Variants in KCNH1 observed in about 807,000 individuals in gnomAD.
KCNH1 encodes the protein potassium voltage-gated channel subfamily H member 1.
KCNH1 carries 27 observed loss-of-function variants against 69.2 expected under a neutral mutation model. The observed-to-expected ratio is 0.39, with a 90% CI of 0.29 to 0.54. The LOEUF is 0.54. Among genes scored for constraint, KCNH1 ranks in the 20% least tolerant of loss-of-function variants. The pLI is 0.68. For synonymous variants in KCNH1, 456 were observed against 487.7 expected (o/e 0.93, Z 0.86); for missense variants, 798 against 1,261.6 (o/e 0.63, Z 5.57).
At chr1:210,796,250 T>C (rs1361000865) in intron 9 of KCNH1, among the ~76,000 whole-genome samples, 1 of 152,120 alleles carries the variant, frequency 6.6e-6, no homozygotes. Context: ...GCTGATTCCA[T>C]GGACCTCATC....
At chr1:210,922,042 T>C (rs1687468228) in intron 6 of KCNH1, among the ~76,000 whole-genome samples, 1 of 151,974 alleles carries the variant, frequency 6.6e-6, no homozygotes, top group Admixed American at 6.6e-5. Context: ...CAAATTACTT[T>C]TGTTGAGGTG....
At chr1:210,895,476 C>T (rs1442808447) in intron 7 of KCNH1, among the ~76,000 whole-genome samples, 3 of 152,104 alleles carry the variant, frequency 2.0e-5, no homozygotes, top group Non-Finnish European at 4.4e-5. Flanking sequence ...GATCTTGGCC[C>T]TCTCCTCTGG....
chr1:211,022,782 C>T (rs1282368238), intron 5 of KCNH1, among the ~76,000 whole-genome samples: 1 of 152,032 alleles, frequency 6.6e-6, no homozygotes, highest in Admixed American at 6.6e-5. Context: ...AATGTAATCT[C>T]ATCCCAGTTA....
chr1:210,771,409 G>A (rs978636122), intron 10 of KCNH1, among the ~76,000 whole-genome samples: 1 of 152,214 alleles, frequency 6.6e-6, no homozygotes, highest in Non-Finnish European at 1.5e-5. Context: ...AGGAGCTGAA[G>A]AGGCAGCAAG....
At chr1:211,077,377 A>C (rs958635750) in intron 5 of KCNH1, among the ~76,000 whole-genome samples, 1 of 152,198 alleles carries the variant, frequency 6.6e-6, no homozygotes, top group African/African-American at 2.4e-5. Flanking sequence ...GTTACCCACA[A>C]AGGGAAGCCC....
chr1:211,090,652 G>T lies in KCNH1; in HGVS notation c.349C>A (p.Arg117=), dbSNP rs778008970. The T allele has an allele frequency of 6.2e-7, 1 of 1,606,958 alleles. No homozygotes were observed. The highest frequency in any genetic ancestry group is 1.1e-5 in the South Asian group (1 of 88,822). ...VWFFVKIAPI[R]NEQDKVVLFL... ...AAAACCACTTTATCCTGTTCGTTTC[G>T]AATTGGAGCAATTTTCACAAAGAAC... Residue 117 remains arginine, a synonymous_variant, in exon 4 of 11, where the codon CGA becomes AGA. Coordinates refer to ENST00000271751, the MANE Select transcript of KCNH1 (RefSeq NM_172362.3).
chr1:210,910,789 A>G (rs1687213189), intron 7 of KCNH1, among the ~76,000 whole-genome samples: 2 of 152,246 alleles, frequency 1.3e-5, no homozygotes, highest in Admixed American at 1.3e-4. Flanking sequence ...TGCACACAGT[A>G]TATGTTCAAT....
At chr1:210,717,191 G>A (rs1157142034) in intron 10 of KCNH1, among the ~76,000 whole-genome samples, 1 of 152,198 alleles carries the variant, frequency 6.6e-6, no homozygotes, top group East Asian at 1.9e-4. Flanking sequence ...GGATTTTGAA[G>A]AGCTAGGCCC....
chr1:210,950,068 G>A (rs1688034549), intron 6 of KCNH1, among the ~76,000 whole-genome samples: 1 of 152,168 alleles, frequency 6.6e-6, no homozygotes, highest in Non-Finnish European at 1.5e-5. Context: ...GTATAAATAA[G>A]TCAGTTTCTC....
chr1:210,934,484 C>T (rs1687738413), intron 6 of KCNH1, among the ~76,000 whole-genome samples: 1 of 152,088 alleles, frequency 6.6e-6, no homozygotes, highest in Non-Finnish European at 1.5e-5. Flanking sequence ...ACCAAAAATA[C>T]AAAAATTAGC....
At chr1:210,765,447 G>A (rs548083937) in intron 10 of KCNH1, among the ~76,000 whole-genome samples, 1 of 152,318 alleles carries the variant, frequency 6.6e-6, no homozygotes, top group African/African-American at 2.4e-5. Context: ...GTGATTGCCA[G>A]GCTTGAGCTA....
chr1:210,748,093 G>A (rs1307571003), intron 10 of KCNH1, among the ~76,000 whole-genome samples: 1 of 152,234 alleles, frequency 6.6e-6, no homozygotes, highest in African/African-American at 2.4e-5. Flanking sequence ...AGGCGGCACA[G>A]CTGCATGGGT....
intron 6 of KCNH1, among the ~76,000 whole-genome samples, chr1:210,978,198 C>T (rs1325814268): frequency 6.6e-6 from 1 of 152,040 alleles, no homozygotes; most frequent in Admixed American, 6.6e-5. Context: ...ACCACCACAC[C>T]TGGCTAATTT....
chr1:210,982,367 C>G (rs1198825415), intron 6 of KCNH1, among the ~76,000 whole-genome samples: 1 of 151,886 alleles, frequency 6.6e-6, no homozygotes, highest in African/African-American at 2.4e-5. Context: ...TGTGCTGCAC[C>G]CATTAACTCA....
chr1:210,868,540 T>G (rs4245750), intron 7 of KCNH1, among the ~76,000 whole-genome samples: 98,581 of 151,794 alleles, frequency 0.65, 32,447 homozygotes, highest in East Asian at 0.8. Context: ...ATACTACCTA[T>G]TTCAAGTTAA....
Position 210,682,791 on chromosome 1 carries a change from C to T in KCNH1, c.*490G>A, listed in dbSNP as rs1478626606. The T allele has an allele frequency of 6.3e-6, 1 of 157,664 alleles. No individual in the cohort carries two copies. The highest frequency in any genetic ancestry group is 2.4e-5 in the African/African-American group (1 of 41,434). 9.8% of individuals were successfully genotyped at this position (157,664 alleles called of 1,614,324 possible). A position where few individuals can be genotyped will look rare whatever the true frequency, so the allele number is the denominator to read the frequency against. ...CCGAGCTAGTTATAAATGACAACTA[C>T]AGGAAAACATGGTGACGTCAGACAC... On this transcript the variant is annotated 3_prime_UTR_variant, in exon 11 of 11. Coordinates refer to ENST00000271751, the MANE Select transcript of KCNH1 (RefSeq NM_172362.3).
intron 10 of KCNH1, among the ~76,000 whole-genome samples, chr1:210,693,354 C>T (rs1247432137): frequency 6.6e-6 from 1 of 152,190 alleles, no homozygotes; most frequent in African/African-American, 2.4e-5. Flanking sequence ...CTCTACTGTC[C>T]TAGCCAGAGC....
rs748846876 is a variant in KCNH1, at chr1:210,919,626, A to C, written c.1462+14T>G. 2.5e-6 allele frequency: 4 copies of C among 1,603,538 alleles called. No individual in the cohort carries two copies. Among genetic ancestry groups the C allele is most frequent in the Non-Finnish European group, 3.4e-6 (4 of 1,172,810 alleles). On this transcript the variant is annotated intron_variant, in intron 7 of 10. Coordinates refer to ENST00000271751, the MANE Select transcript of KCNH1 (RefSeq NM_172362.3). The surrounding 1 kb of genome is among the most constrained non-coding windows in gnomAD (Gnocchi z 4.2). Reference sequence around the variant, plus strand: ...AAGAGATGGCCAACCCCACCCCAGCACTGTCATACTTACAGCCAATCATCA... The same window carrying C: ...AAGAGATGGCCAACCCCACCCCAGCCCTGTCATACTTACAGCCAATCATCA...
At chr1:211,096,681 C>T (rs1489848079) in intron 3 of KCNH1, among the ~76,000 whole-genome samples, 4 of 152,040 alleles carry the variant, frequency 2.6e-5, no homozygotes, top group East Asian at 1.9e-4. Context: ...GACGTCAAAC[C>T]GCTCCCTCTA....
Sources: allele counts gnomAD v4.1 joint callset (sites outside exome capture counted in the v4.1 genomes callset), GRCh38; gene constraint gnomAD v4.1.1; non-coding constraint Gnocchi (gnomAD v3.1); transcripts MANE v1.5; gene names NCBI Gene and HGNC (gene_info 2026-07-23, HGNC 2026-07-21).